SLC16A7: variants seen among roughly 807,000 people sequenced by gnomAD.
The protein encoded by SLC16A7 is solute carrier family 16 member 7.
Under a neutral mutation model 34.9 loss-of-function variants are expected in SLC16A7, and 33 were observed. That is an observed-to-expected ratio of 0.94 (90% CI 0.72 to 1.26). The LOEUF (loss-of-function observed/expected upper bound fraction) is 1.26, where lower values mean the gene tolerates loss of function less well. Among genes scored for constraint, SLC16A7 ranks in the 50% most tolerant of loss-of-function variants. SLC16A7 has a pLI of 0.00. For missense variants in SLC16A7, 573 were observed against 578.1 expected (o/e 0.99, Z 0.09); for synonymous variants, 201 against 206.6 (o/e 0.97, Z 0.23).
At chr12:59,602,479 CTTTTTTTTTT>C (rs34035713) in intron 1 of SLC16A7, among the ~76,000 whole-genome samples, 1 of 80,270 alleles carries the variant, frequency 1.2e-5, no homozygotes, top group African/African-American at 5.1e-5. Flanking sequence ...GTGTTTTGGG[CTTTTTTTTTT>C]TTTTTTTTTT....
rs1883706886 is a variant in SLC16A7 at position 59,787,501 on chromosome 12, C to T, written c.*7822C>T. On this transcript the variant is annotated 3_prime_UTR_variant, in exon 6 of 6. Transcript: ENST00000547379. ...TCTAGCTAGATACAGTCTTTCTAAA[C>T]TTTCTCCTTTATTCCCATGTAGAGA... 1 of 152,156 alleles carries T rather than the reference C, an allele frequency of 6.6e-6. No individual in the cohort carries two copies. The highest frequency in any genetic ancestry group is 1.5e-5 in the Non-Finnish European group (1 of 68,016). 9.4% of individuals were successfully genotyped at this position (152,156 alleles called of 1,614,324 possible). A position where few individuals can be genotyped will look rare whatever the true frequency, so the allele number is the denominator to read the frequency against.
chr12:59,669,652 T>TCACACA (rs144456899), intron 2 of SLC16A7, among the ~76,000 whole-genome samples: 2,259 of 139,596 alleles, frequency 0.016, 49 homozygotes, highest in African/African-American at 0.043. Context: ...CCATAGATAG[T>TCACACA]CACACACACA....
chr12:59,731,792 T>A (rs1031731143), intron 3 of SLC16A7, among the ~76,000 whole-genome samples: 3 of 152,200 alleles, frequency 2.0e-5, no homozygotes, highest in Non-Finnish European at 4.4e-5. Context: ...TATTGTTTCA[T>A]ACCATCATGG....
intron 3 of SLC16A7, among the ~76,000 whole-genome samples, chr12:59,751,151 G>A (rs933794422): frequency 6.6e-5 from 10 of 152,270 alleles, no homozygotes; most frequent in South Asian, 4.2e-4. Flanking sequence ...GAACAGCTCC[G>A]GTCTACAGCT....
intron 1 of SLC16A7, among the ~76,000 whole-genome samples, chr12:59,608,599 AC>A (rs1879049790): frequency 1.3e-5 from 2 of 152,212 alleles, no homozygotes; most frequent in African/African-American, 4.8e-5. Context: ...CATTAATTAA[AC>A]ACAGTAATGT....
chr12:59,764,351 C>T (rs1404982597), intron 3 of SLC16A7, among the ~76,000 whole-genome samples: 2 of 152,130 alleles, frequency 1.3e-5, no homozygotes, highest in Non-Finnish European at 2.9e-5. Flanking sequence ...TATTATTATA[C>T]TTTAAGTTTT....
chr12:59,748,994 A>G (rs1357110800), intron 3 of SLC16A7, among the ~76,000 whole-genome samples: 1 of 152,210 alleles, frequency 6.6e-6, no homozygotes, highest in Non-Finnish European at 1.5e-5. Context: ...CTACTGACCA[A>G]AAAGCAGCAG....
intron 2 of SLC16A7, among the ~76,000 whole-genome samples, chr12:59,677,142 A>G (rs1205545375): frequency 6.6e-6 from 1 of 152,144 alleles, no homozygotes; most frequent in Non-Finnish European, 1.5e-5. Flanking sequence ...ATCTAGGATG[A>G]GATCTTGGGA....
chr12:59,654,259 T>A (rs1462124869), intron 1 of SLC16A7, among the ~76,000 whole-genome samples: 2 of 151,298 alleles, frequency 1.3e-5, no homozygotes, highest in Non-Finnish European at 3.0e-5. Context: ...TTAATAGTTA[T>A]TAATACTTAA....
intron 2 of SLC16A7, among the ~76,000 whole-genome samples, chr12:59,674,431 A>G (rs570382283): frequency 6.6e-6 from 1 of 152,322 alleles, no homozygotes; most frequent in African/African-American, 2.4e-5. Flanking sequence ...AACTTTGTTG[A>G]TAGAACTATT....
chr12:59,777,438 C>T (rs1186029416), intron 5 of SLC16A7, among the ~76,000 whole-genome samples: 1 of 152,060 alleles, frequency 6.6e-6, no homozygotes, highest in East Asian at 1.9e-4. Flanking sequence ...TACATAGTTG[C>T]AGCACAGCAG....
At chr12:59,688,091 T>C (rs557433544) in intron 2 of SLC16A7, among the ~76,000 whole-genome samples, 4 of 152,218 alleles carry the variant, frequency 2.6e-5, no homozygotes, top group African/African-American at 7.2e-5. Context: ...TAATCCTGAT[T>C]ATTGGTATTA....
intron 3 of SLC16A7, 60 bp downstream of exon 3, chr12:59,705,078 T>C (rs1406140782): frequency 2.6e-6 from 3 of 1,150,422 alleles, no homozygotes; most frequent in Non-Finnish European, 3.9e-6. Flanking sequence ...CATGTCACAA[T>C]GTTTTACATG....
chr12:59,672,231 C>CAT (rs1413535697), intron 2 of SLC16A7, among the ~76,000 whole-genome samples: 3 of 108,362 alleles, frequency 2.8e-5, no homozygotes, highest in Admixed American at 2.0e-4. Flanking sequence ...TGTATATATG[C>CAT]ATATATACGT....
At chr12:59,741,243 C>T (rs1000349118) in intron 3 of SLC16A7, among the ~76,000 whole-genome samples, 3 of 152,124 alleles carry the variant, frequency 2.0e-5, no homozygotes, top group African/African-American at 7.2e-5. Flanking sequence ...AAAAAGAGCC[C>T]GCATCGCCAA....
intron 3 of SLC16A7, among the ~76,000 whole-genome samples, chr12:59,723,024 G>C (rs1183933923): frequency 6.6e-6 from 1 of 151,656 alleles, no homozygotes; most frequent in Non-Finnish European, 1.5e-5. Context: ...TACCATACTG[G>C]ACAATGTGTG....
chr12:59,680,640 A>G (rs539497138), intron 2 of SLC16A7, among the ~76,000 whole-genome samples: 5 of 152,228 alleles, frequency 3.3e-5, no homozygotes, highest in Non-Finnish European at 5.9e-5. Flanking sequence ...ATCTATAATT[A>G]TCTTATTTAC....
intron 2 of SLC16A7, 123 bp from the exon 3 acceptor site, chr12:59,704,649 G>C (rs1468298917): frequency 6.6e-6 from 4 of 604,360 alleles, no homozygotes; most frequent in Non-Finnish European, 1.2e-5. Context: ...ATAAGAGTGT[G>C]AAAAATATTC....
At chr12:59,733,563 C>A (rs923550097) in intron 3 of SLC16A7, among the ~76,000 whole-genome samples, 8 of 152,262 alleles carry the variant, frequency 5.3e-5, no homozygotes, top group African/African-American at 1.9e-4. Flanking sequence ...GACACAGAGC[C>A]CCAAAGGGTG....
Sources: gnomAD v4.1 joint callset for allele counts (sites outside exome capture counted in the v4.1 genomes callset) on GRCh38, gnomAD v4.1.1 for gene constraint, MANE v1.5 for transcripts, NCBI Gene and HGNC (gene_info 2026-07-23, HGNC 2026-07-21) for gene names.